GRM7: variants seen among roughly 807,000 people sequenced by gnomAD.
GRM7 encodes metabotropic glutamate receptor 7.
GRM7 carries 35 observed loss-of-function variants against 84.5 expected under a neutral mutation model. The observed-to-expected ratio is 0.41, with a 90% CI of 0.32 to 0.55. GRM7 has a LOEUF of 0.55. Among genes scored for constraint, GRM7 ranks in the 20% least tolerant of loss-of-function variants. The pLI is 0.19. For synonymous variants in GRM7, 487 were observed against 455.1 expected, an observed-to-expected ratio of 1.07 and a Z score of -0.89; for missense variants, 1,003 against 1,194.6, an observed-to-expected ratio of 0.84 and a Z score of 2.36.
chr3:7,349,175 G>A (rs916069983), intron 4 of GRM7, among the ~76,000 whole-genome samples: 7 of 151,984 alleles, frequency 4.6e-5, no homozygotes, highest in Admixed American at 2.0e-4. Context: ...AGCTTAGCTC[G>A]TCACAATGAA....
At chr3:6,927,702 A>C (rs897074094) in intron 1 of GRM7, among the ~76,000 whole-genome samples, 1 of 152,184 alleles carries the variant, frequency 6.6e-6, no homozygotes, top group African/African-American at 2.4e-5. Flanking sequence ...TAATAATGTT[A>C]AGATATGCTG....
rs189645444 is a variant in GRM7, at chr3:7,469,234, C to T, written c.1515+7512C>T. On this transcript the variant is annotated intron_variant, in intron 7 of 9. Transcript: ENST00000357716. ...CAGACTTCTACCCAAGTTAGCAATT[C>T]TACATGATTCAGGGATTCATTTGAG... Among the ~76,000 whole-genome samples the T allele has an allele frequency of 4.6e-5, 7 of 152,282 alleles. No homozygotes were observed. In the East Asian group the frequency reaches 1.4e-3, roughly 29 times the overall value.
At chr3:7,555,212 G>A (rs1223025525) in intron 7 of GRM7, among the ~76,000 whole-genome samples, 2 of 152,184 alleles carry the variant, frequency 1.3e-5, no homozygotes, top group Non-Finnish European at 2.9e-5. Context: ...TTCACTCTAA[G>A]TGTACCATTA....
At chr3:7,516,424 C>T (rs1700385792) in intron 7 of GRM7, among the ~76,000 whole-genome samples, 1 of 133,700 alleles carries the variant, frequency 7.5e-6, no homozygotes, top group Non-Finnish European at 1.5e-5. Context: ...TTGCAGTGAG[C>T]CGATATCGTG....
At chr3:6,901,636 AAT>A (rs1491324990) in intron 1 of GRM7, among the ~76,000 whole-genome samples, 15 of 140,446 alleles carry the variant, frequency 1.1e-4, no homozygotes, top group African/African-American at 2.4e-4. Context: ...AAAAAAAAAA[AAT>A]ATGTAGAATA....
chr3:7,696,247 T>C (rs768325764), intron 9 of GRM7, among the ~76,000 whole-genome samples: 1 of 152,182 alleles, frequency 6.6e-6, no homozygotes, highest in Non-Finnish European at 1.5e-5. Context: ...GTACGACATA[T>C]ATTGTGAGCT....
chr3:7,456,823 A>G (rs1049813545), intron 6 of GRM7, among the ~76,000 whole-genome samples: 1 of 152,096 alleles, frequency 6.6e-6, no homozygotes, highest in Non-Finnish European at 1.5e-5. Flanking sequence ...GTATTCATGG[A>G]TGACAGTGCT....
chr3:7,312,690 A>G (rs9866393), intron 4 of GRM7, among the ~76,000 whole-genome samples: 7,763 of 152,170 alleles, frequency 0.051, 658 homozygotes, highest in African/African-American at 0.18. Flanking sequence ...AGGATGAACA[A>G]GTGACTTAAT....
chr3:7,574,075 A>G (rs1308361467), intron 7 of GRM7, among the ~76,000 whole-genome samples: 1 of 151,604 alleles, frequency 6.6e-6, no homozygotes, highest in Non-Finnish European at 1.5e-5. Flanking sequence ...ATTCTTTTTA[A>G]TCTGTCTTTT....
chr3:7,306,770 A>C, intron 4 of GRM7, 118 bp downstream of exon 4: 2 of 787,818 alleles, frequency 2.5e-6, no homozygotes, highest in Non-Finnish European at 3.9e-6. Flanking sequence ...GGGTTGTTTC[A>C]AACTTATAGC....
intron 2 of GRM7, among the ~76,000 whole-genome samples, chr3:7,167,754 G>A (rs1307884690): frequency 3.3e-5 from 5 of 151,854 alleles, no homozygotes; most frequent in African/African-American, 1.2e-4. Flanking sequence ...CGGATCACGA[G>A]GTCAGGAGAT....
intron 9 of GRM7, among the ~76,000 whole-genome samples, chr3:7,739,590 T>C (rs1702621887): frequency 1.3e-5 from 2 of 152,268 alleles, no homozygotes; most frequent in East Asian, 1.9e-4. Context: ...GGTGTCTTTG[T>C]TTCCAGCATG....
intron 4 of GRM7, among the ~76,000 whole-genome samples, chr3:7,401,732 G>T (rs1470521887): frequency 6.6e-6 from 1 of 152,066 alleles, no homozygotes; most frequent in African/African-American, 2.4e-5. Context: ...TTCCATCATT[G>T]CATCTCTCTA....
At chr3:7,150,340 C>A (rs1694246299) in intron 2 of GRM7, among the ~76,000 whole-genome samples, 1 of 152,084 alleles carries the variant, frequency 6.6e-6, no homozygotes, top group Non-Finnish European at 1.5e-5. Context: ...ACCATGCTCA[C>A]CGTCACAGTG....
intron 1 of GRM7, among the ~76,000 whole-genome samples, chr3:7,013,370 C>G (rs1271742436): frequency 6.6e-6 from 1 of 152,050 alleles, no homozygotes; most frequent in East Asian, 1.9e-4. Context: ...TTTTTCCTGT[C>G]TCACTCCTCC....
chr3:7,191,000 A>G (rs1336240545), intron 2 of GRM7, among the ~76,000 whole-genome samples: 1 of 152,220 alleles, frequency 6.6e-6, no homozygotes, highest in Non-Finnish European at 1.5e-5. Flanking sequence ...TTCACCAAAC[A>G]TTTATTGACT....
intron 7 of GRM7, among the ~76,000 whole-genome samples, chr3:7,466,237 C>A (rs1180964066): frequency 1.3e-5 from 2 of 152,068 alleles, no homozygotes; most frequent in Non-Finnish European, 2.9e-5. Context: ...GATCCATGCA[C>A]CCCAAGTTCA....
chr3:7,606,144 A>G (rs1696556463), intron 8 of GRM7, among the ~76,000 whole-genome samples: 1 of 152,238 alleles, frequency 6.6e-6, no homozygotes, highest in East Asian at 1.9e-4. Context: ...ATTAATTAAT[A>G]TTCTTCAATG....
intron 7 of GRM7, among the ~76,000 whole-genome samples, chr3:7,510,117 C>T (rs965852045): frequency 2.0e-5 from 3 of 152,140 alleles, no homozygotes; most frequent in East Asian, 3.8e-4. Context: ...CTTTAAACCC[C>T]CACTTTGATA....
Sources: gnomAD v4.1 joint callset for allele counts (sites outside exome capture counted in the v4.1 genomes callset) on GRCh38, gnomAD v4.1.1 for gene constraint, MANE v1.5 for transcripts, NCBI Gene and HGNC (gene_info 2026-07-23, HGNC 2026-07-21) for gene names.